The following STAB2 variants were observed in gnomAD, a reference collection of about 807,000 sequenced individuals.
STAB2 encodes stabilin-2.
In STAB2, 288 loss-of-function variants were observed where a neutral mutation model predicts 338.1. The ratio of observed to expected loss-of-function variants is 0.85; its 90% CI spans 0.77 to 0.94. STAB2 has a LOEUF of 0.94. STAB2 is among the 40% of genes least tolerant of loss of function. The probability of loss-of-function intolerance (pLI) is 0.00; values close to 1 mark genes in which losing one functional copy is unlikely to be tolerated. For synonymous variants in STAB2, 1,202 were observed against 1,193.3 expected (o/e 1.01, Z -0.15); for missense variants, 3,141 against 3,210.1 (o/e 0.98, Z 0.52).
At chr12:103,735,100 G>T (rs1409415294) in intron 51 of STAB2, among the ~76,000 whole-genome samples, 2 of 152,112 alleles carry the variant, frequency 1.3e-5, no homozygotes, top group Non-Finnish European at 2.9e-5. Context: ...TGAGGAACTG[G>T]GGGTCAGGAC....
chr12:103,715,745 T>C, intron 42 of STAB2, 70 bp from the exon 43 acceptor site: 1 of 1,578,120 alleles, frequency 6.3e-7, no homozygotes, highest in Admixed American at 1.7e-5. Flanking sequence ...TCTTAGCTCA[T>C]CCCTCAAGCT....
rs75253889 is a variant in STAB2, at chr12:103,696,684, G to A, written c.3582+840G>A. Among the ~76,000 whole-genome samples the A allele has an allele frequency of 1.2e-3, 178 of 152,302 alleles. 1 individual carries two copies. Among genetic ancestry groups the A allele is most frequent in the Non-Finnish European group, 2.3e-3 (156 of 68,032 alleles). On this transcript the variant is annotated intron_variant, in intron 33 of 68. Transcript: ENST00000388887. ...AAAATAGAGAAGGGGAGAAGAGGAG[G>A]AAGAAAGAGATAATCCACCCCTCTA...
At chr12:103,666,496 G>A (rs1424135814) in intron 19 of STAB2, 143 bp downstream of exon 19, 1 of 815,894 alleles carries the variant, frequency 1.2e-6, no homozygotes, top group East Asian at 2.7e-5. Context: ...ACTATATGGG[G>A]GATGGTAGAA....
At chr12:103,633,266 A>G (rs991883753) in intron 6 of STAB2, among the ~76,000 whole-genome samples, 1 of 152,258 alleles carries the variant, frequency 6.6e-6, no homozygotes, top group African/African-American at 2.4e-5. Context: ...AAAAATAATA[A>G]TAATTCTGTC....
chr12:103,736,682 T>A (rs1419600752), intron 52 of STAB2, among the ~76,000 whole-genome samples: 1 of 151,982 alleles, frequency 6.6e-6, no homozygotes, highest in Non-Finnish European at 1.5e-5. Flanking sequence ...TTTACTCTAT[T>A]TACCTGGTGA....
At chr12:103,647,292 A>G (rs1220667497) in intron 9 of STAB2, among the ~76,000 whole-genome samples, 1 of 152,196 alleles carries the variant, frequency 6.6e-6, no homozygotes, top group Non-Finnish European at 1.5e-5. Flanking sequence ...TCTATTTGCC[A>G]TGGAAATATA....
chr12:103,729,998 T>C, intron 48 of STAB2, 118 bp from the exon 49 acceptor site: 4 of 920,696 alleles, frequency 4.3e-6, no homozygotes, highest in Non-Finnish European at 6.3e-6. Flanking sequence ...AAGTATTAAC[T>C]TGGATATTCA....
chr12:103,592,059 T>C (rs932456949), intron 2 of STAB2: 11 of 152,208 alleles, frequency 7.2e-5, no homozygotes, highest in Admixed American at 6.5e-5. Context: ...AATCATCATT[T>C]TAAATAAAAG....
intron 38 of STAB2, 72 bp downstream of exon 38, chr12:103,707,059 T>C: frequency 2.0e-6 from 3 of 1,534,436 alleles, no homozygotes; most frequent in Non-Finnish European, 2.6e-6. Flanking sequence ...GAAAGAGTGA[T>C]CCCACACGTG....
intron 53 of STAB2, 62 bp downstream of exon 53, chr12:103,737,842 C>G: frequency 6.3e-7 from 1 of 1,594,084 alleles, no homozygotes; most frequent in East Asian, 2.2e-5. Context: ...CCCTCATGAT[C>G]CAGTGTGGAC....
Position 103,703,231 on chromosome 12 carries a change from A to C in STAB2, c.3798A>C (p.Glu1266Asp). The C allele has an allele frequency of 1.9e-6, 3 of 1,613,994 alleles. No individual in the cohort carries two copies. Among genetic ancestry groups the C allele is most frequent in the Non-Finnish European group, 1.7e-6 (2 of 1,180,024 alleles). Residue 1266 changes from glutamate (E) to aspartate (D), a missense_variant, in exon 35 of 69, where the codon GAA (glutamate) becomes GAC (aspartate). By Grantham distance (45) the Glu-to-Asp change is conservative. Coordinates refer to ENST00000388887, the MANE Select transcript of STAB2 (RefSeq NM_017564.10). ...GVIHGLGKVL[E>D]IQKNRCDNND... ...TCCATGGCTTGGGAAAAGTTCTGGA[A>C]ATTCAGAAGAACAGATGTGATAATA...
Position 103,587,539 on chromosome 12 carries a change from A to T in STAB2, c.63A>T (p.Pro21=). ...LGLVVQNFCS[P]AETTGQARRC... ...TGGTTGTACAAAATTTCTGCTCCCC[A>T]GCTGAAACCACAGGGCAGGTAAGAG... The change falls in exon 1 of 69, where the codon CCA becomes CCT. Residue 21 remains proline (P), a synonymous_variant. Coordinates refer to ENST00000388887, the MANE Select transcript of STAB2 (RefSeq NM_017564.10). The T allele has an allele frequency of 6.2e-7, 1 of 1,614,092 alleles. No individual in the cohort carries two copies. The highest frequency in any genetic ancestry group is 8.5e-7 in the Non-Finnish European group (1 of 1,179,920).
chr12:103,625,706 G>C (rs1957370757), intron 5 of STAB2, among the ~76,000 whole-genome samples: 1 of 152,168 alleles, frequency 6.6e-6, no homozygotes, highest in Non-Finnish European at 1.5e-5. Flanking sequence ...TTTTATGGCT[G>C]CATAGTATTC....
chr12:103,641,820 A>G (rs907990861), intron 9 of STAB2, among the ~76,000 whole-genome samples: 1 of 152,114 alleles, frequency 6.6e-6, no homozygotes, highest in Non-Finnish European at 1.5e-5. Context: ...ACCTTCCCAC[A>G]CCTCAAATTG....
At chr12:103,681,376 C>T (rs1335332479) in intron 25 of STAB2, among the ~76,000 whole-genome samples, 1 of 152,082 alleles carries the variant, frequency 6.6e-6, no homozygotes, top group Non-Finnish European at 1.5e-5. Context: ...TGGCATAGAA[C>T]AACAAAAATG....
intron 3 of STAB2, 126 bp from the exon 4 acceptor site, chr12:103,620,342 C>T (rs563737981): frequency 3.6e-6 from 3 of 831,568 alleles, no homozygotes; most frequent in East Asian, 2.7e-5. Context: ...CTAGATGACA[C>T]CAACAGGTTC....
chr12:103,690,803 A>G (rs831423), intron 30 of STAB2, among the ~76,000 whole-genome samples: 127,971 of 152,246 alleles, frequency 0.84, 54,106 homozygotes, highest in East Asian at 0.99. Flanking sequence ...ACCACAGACT[A>G]ACCCAGAAAG....
At position 103,761,411 on chromosome 12, in the gene STAB2, G is replaced by T. The variant is rs267603276; in HGVS notation, c.7359+1G>T. 2.5e-6 allele frequency: 4 copies of T among 1,613,044 alleles called. No individual in the cohort carries two copies. The highest frequency in any genetic ancestry group is 3.6e-4 in the Middle Eastern group (2 of 5,496). On this transcript the variant is annotated splice_donor_variant, in intron 66 of 68. Coordinates refer to ENST00000388887, the MANE Select transcript of STAB2 (RefSeq NM_017564.10). LOFTEE classifies it high-confidence loss of function. ...TTTAAAAGCACCCCCTGCCCCCGTGGTGAGTATCTAGGGTCCCTGATAACG... is the reference window on the plus strand; with the variant it reads ...TTTAAAAGCACCCCCTGCCCCCGTGTTGAGTATCTAGGGTCCCTGATAACG...
chr12:103,665,615 A>G (rs1252038303), intron 18 of STAB2, among the ~76,000 whole-genome samples: 6 of 152,234 alleles, frequency 3.9e-5, no homozygotes, highest in South Asian at 2.1e-4. Context: ...GGGAGCAGGG[A>G]TGAAATCCTT....
Sources: allele counts gnomAD v4.1 joint callset (sites outside exome capture counted in the v4.1 genomes callset), GRCh38; gene constraint gnomAD v4.1.1; transcripts MANE v1.5; gene names NCBI Gene and HGNC (gene_info 2026-07-23, HGNC 2026-07-21).